Variants in TRIT1 observed in about 807,000 individuals in gnomAD.
TRIT1 encodes tRNA dimethylallyltransferase.
TRIT1 carries 43 observed loss-of-function variants against 51.2 expected under a neutral mutation model. That is an observed-to-expected ratio of 0.84 (90% confidence interval 0.66 to 1.08). The LOEUF is 1.08. Among genes scored for constraint, TRIT1 ranks in the 50% least tolerant of loss-of-function variants. The probability of loss-of-function intolerance (pLI) is 0.00; values close to 1 mark genes in which losing one functional copy is unlikely to be tolerated. For synonymous variants in TRIT1, 184 were observed against 203.9 expected (o/e 0.90, Z 0.83); for missense variants, 528 against 578.4 (o/e 0.91, Z 0.89).
rs1641848366 is a variant in TRIT1, at chr1:39,840,893, G to A, written c.*851C>T. The A allele has an allele frequency of 6.6e-6, 1 of 152,080 alleles. No homozygotes were observed. The highest frequency in any genetic ancestry group is 1.5e-5 in the Non-Finnish European group (1 of 68,008). 9.4% of individuals were successfully genotyped at this position (152,080 alleles called of 1,614,324 possible). On this transcript the variant is annotated 3_prime_UTR_variant, in exon 11 of 11. Transcript: ENST00000316891. Reference sequence around the variant, plus strand: ...AAGACCCTCTCTAGATGTCTTCAAGGACTATAACGTGTTAAATAAACACCC... The same window carrying A: ...AAGACCCTCTCTAGATGTCTTCAAGAACTATAACGTGTTAAATAAACACCC...
At position 39,839,347 on chromosome 1, in the gene TRIT1, G is replaced by A. The variant is rs568835695; in HGVS notation, c.*2397C>T. Among the ~76,000 whole-genome samples, 26 of 152,310 alleles carry A rather than the reference G, an allele frequency of 1.7e-4. No homozygotes were observed. The highest frequency in any genetic ancestry group is 6.0e-4 in the African/African-American group (25 of 41,582). On this transcript the variant is annotated 3_prime_UTR_variant, in exon 11 of 11. Coordinates refer to ENST00000316891, the MANE Select transcript of TRIT1 (RefSeq NM_017646.6). ...GAGATTTAGTAATAGAGTAAGAAAG[G>A]TGATCTAAGGTTTGTCCCAGCTTTG...
At chr1:39,850,942 C>T (rs1250901193) in intron 4 of TRIT1, among the ~76,000 whole-genome samples, 2 of 152,218 alleles carry the variant, frequency 1.3e-5, no homozygotes, top group Non-Finnish European at 2.9e-5. Context: ...AACTCACATA[C>T]TTATTCTTAA....
At chr1:39,876,283 A>C (rs1432794509) in intron 1 of TRIT1, among the ~76,000 whole-genome samples, 1 of 152,242 alleles carries the variant, frequency 6.6e-6, no homozygotes, top group African/African-American at 2.4e-5. Flanking sequence ...ACATCAGGGT[A>C]GCACTCATCC....
At chr1:39,843,974 A>C in intron 10 of TRIT1, 127 bp downstream of exon 10, 1 of 609,914 alleles carries the variant, frequency 1.6e-6, no homozygotes, top group Non-Finnish European at 2.8e-6. Flanking sequence ...ACAGGCTCTT[A>C]GAGGAATCTA....
At position 39,874,488 on chromosome 1, in the gene TRIT1, C is replaced by T. The variant is rs139924439; in HGVS notation, c.174+8830G>A. 3.5e-3 allele frequency among the ~76,000 whole-genome samples: 528 copies of T among 152,130 alleles called. 1 individual carries two copies. The highest frequency in any genetic ancestry group is 0.012 in the African/African-American group (483 of 41,508). ...TAAAAGAAAATAGAATAGTATCTAACCTCTGAGTCAATTTATGTAATAACA... is the reference window on the plus strand; with the variant it reads ...TAAAAGAAAATAGAATAGTATCTAATCTCTGAGTCAATTTATGTAATAACA... On this transcript the variant is annotated intron_variant, in intron 1 of 10. Coordinates refer to ENST00000316891, the MANE Select transcript of TRIT1 (RefSeq NM_017646.6).
chr1:39,866,022 GAAAGA>G (rs148250913), intron 1 of TRIT1, among the ~76,000 whole-genome samples: 26,741 of 144,320 alleles, frequency 0.19, 3,157 homozygotes, highest in Non-Finnish European at 0.27. Flanking sequence ...GAAAAGAAAA[GAAAGA>G]AAAGAAAAGA....
intron 1 of TRIT1, chr1:39,881,760 G>C (rs1644273423): frequency 1.3e-5 from 2 of 152,080 alleles, no homozygotes; most frequent in Non-Finnish European, 2.9e-5. Flanking sequence ...TTTTCAGAGA[G>C]CTTTCCATAC....
rs532056712 is a variant in TRIT1 at position 39,856,470 on chromosome 1, T to C, written c.315+807A>G. Among the ~76,000 whole-genome samples the C allele has an allele frequency of 4.7e-5, 6 of 126,744 alleles. No homozygotes were observed. The East Asian group carries it at 1.3e-3, about 28-fold the overall frequency. The allele number at this position is 126,744 out of a possible 152,430, so 83.1% of individuals were successfully genotyped here. A position where few individuals can be genotyped will look rare whatever the true frequency, so the allele number is the denominator to read the frequency against. On this transcript the variant is annotated intron_variant, in intron 2 of 10. Transcript: ENST00000316891. The stretch of plus-strand genomic sequence containing the variant: ...CTGCACTCCAACCTAGGCAACAGAG[T>C]GAGACTGTCTCTAGGAGAAAAAAAA...
chr1:39,840,703 G>A lies in TRIT1; in HGVS notation c.*1041C>T, dbSNP rs572427603. On this transcript the variant is annotated 3_prime_UTR_variant, in exon 11 of 11. Coordinates refer to ENST00000316891, the MANE Select transcript of TRIT1 (RefSeq NM_017646.6). ...GAGTGACAAAAACGTTTTGGAAATA[G>A]TGGCAACGATTGCACAACATTGTGA... is the stretch of plus-strand genomic sequence containing the variant. Among the ~76,000 whole-genome samples, 3 of 152,190 alleles carry A rather than the reference G, an allele frequency of 2.0e-5. No homozygotes were observed. Among genetic ancestry groups the A allele is most frequent in the Non-Finnish European group, 4.4e-5 (3 of 68,036 alleles).
chr1:39,851,333 G>A (rs996311366), intron 4 of TRIT1, among the ~76,000 whole-genome samples: 1 of 152,030 alleles, frequency 6.6e-6, no homozygotes, highest in Non-Finnish European at 1.5e-5. Flanking sequence ...CTCATTACTC[G>A]TTTAGACGCA....
chr1:39,847,170 A>G (rs748497695), intron 8 of TRIT1, 50 bp downstream of exon 8: 4 of 1,463,910 alleles, frequency 2.7e-6, no homozygotes, highest in Non-Finnish European at 2.9e-6. Context: ...GAGGACATCT[A>G]TATTCTATTG....
intron 1 of TRIT1, among the ~76,000 whole-genome samples, chr1:39,874,518 C>G (rs1643983357): frequency 6.6e-6 from 1 of 152,066 alleles, no homozygotes; most frequent in Non-Finnish European, 1.5e-5. Flanking sequence ...ATAACATATA[C>G]ACACATGACA....
rs191443887 is a variant in TRIT1 at position 39,878,119 on chromosome 1, A to C, written c.174+5199T>G. Among the ~76,000 whole-genome samples the C allele has an allele frequency of 2.4e-3, 368 of 152,302 alleles. 4 individuals carry two copies. The highest frequency in any genetic ancestry group is 3.3e-3 in the Non-Finnish European group (222 of 68,028). On this transcript the variant is annotated intron_variant, in intron 1 of 10. Coordinates refer to ENST00000316891, the MANE Select transcript of TRIT1 (RefSeq NM_017646.6). ...TCCCAATCCACAACTACCTTGCATAAGAATCATGGAAGGGCATGTGTTTTC... is the reference window on the plus strand; with the variant it reads ...TCCCAATCCACAACTACCTTGCATACGAATCATGGAAGGGCATGTGTTTTC...
At chr1:39,861,867 T>C (rs912410441) in intron 1 of TRIT1, among the ~76,000 whole-genome samples, 15 of 147,354 alleles carry the variant, frequency 1.0e-4, no homozygotes, top group African/African-American at 2.3e-4. Flanking sequence ...GAGGTTGCAG[T>C]GAGCTGAGAT....
chr1:39,852,781 G>A lies in TRIT1; in HGVS notation c.510C>T (p.Asp170=). 1 of 1,614,106 alleles carries A rather than the reference G, an allele frequency of 6.2e-7. No homozygotes were observed. The change falls in exon 4 of 11, where the codon GAC becomes GAT. Residue 170 remains aspartate, a synonymous_variant. Transcript: ENST00000316891. The stretch of plus-strand genomic sequence containing the variant: ...GATGCAGCTTGGCAGCCATTTCTGG[G>A]TCCACCTGGCTTAGGCGTTTGTGAA... ...LVLHKRLSQV[D]PEMAAKLHPH...
chr1:39,847,896 C>A, intron 6 of TRIT1, 90 bp downstream of exon 6: 1 of 1,383,940 alleles, frequency 7.2e-7, no homozygotes, highest in South Asian at 1.3e-5. Flanking sequence ...GGCTGATAAA[C>A]AAGTAGACCC....
At chr1:39,859,116 T>C (rs984448074) in intron 1 of TRIT1, among the ~76,000 whole-genome samples, 2 of 151,548 alleles carry the variant, frequency 1.3e-5, no homozygotes, top group African/African-American at 4.8e-5. Context: ...TAGCTGGGTG[T>C]CGTGGCGTGT....
At chr1:39,855,711 G>A (rs1021766060) in intron 2 of TRIT1, among the ~76,000 whole-genome samples, 4 of 152,196 alleles carry the variant, frequency 2.6e-5, no homozygotes, top group Non-Finnish European at 4.4e-5. Context: ...AGGGAAAAAT[G>A]TTAAGATTCC....
chr1:39,880,027 T>G (rs564364384), intron 1 of TRIT1, among the ~76,000 whole-genome samples: 1 of 151,334 alleles, frequency 6.6e-6, no homozygotes, highest in Non-Finnish European at 1.5e-5. Context: ...ATACAAAAAT[T>G]AGCTGGGCCT....
Sources: gnomAD v4.1 joint callset for allele counts (sites outside exome capture counted in the v4.1 genomes callset) on GRCh38, gnomAD v4.1.1 for gene constraint, MANE v1.5 for transcripts, NCBI Gene and HGNC (gene_info 2026-07-23, HGNC 2026-07-21) for gene names.